The following TMEM116 variants were observed in gnomAD, a reference collection of about 807,000 sequenced individuals.
TMEM116 encodes the protein transmembrane protein 116.
A neutral mutation model predicts 44.3 loss-of-function variants in TMEM116; 38 were observed. That is an observed-to-expected ratio of 0.86 (90% CI 0.66 to 1.12). The LOEUF (loss-of-function observed/expected upper bound fraction) is 1.12. TMEM116 is among the 50% of genes most tolerant of loss of function. TMEM116 has a pLI of 0.00. For missense variants in TMEM116, 354 were observed against 401.7 expected (o/e 0.88, Z 1.01); for synonymous variants, 132 against 144.8 (o/e 0.91, Z 0.64).
chr12:111,944,602 G>C lies in TMEM116; in HGVS notation c.211-1233C>G, dbSNP rs140983883. Reference sequence around the variant, plus strand: ...TGGGAGGCCAAGGCAGCTAAAATTTGTGAAGTACAGTATCAGAGCAGAGGA... The same window carrying C: ...TGGGAGGCCAAGGCAGCTAAAATTTCTGAAGTACAGTATCAGAGCAGAGGA... On this transcript the variant is annotated intron_variant, in intron 4 of 10. Coordinates refer to ENST00000552374, the MANE Select transcript of TMEM116 (RefSeq NM_001193531.2). 2.0e-5 allele frequency among the ~76,000 whole-genome samples: 3 copies of C among 152,318 alleles called. No homozygotes were observed. The East Asian group carries it at 5.8e-4, about 29-fold the overall frequency.
rs148258292 is a variant in TMEM116, at chr12:111,975,370, G to A, written c.210+16388C>T. 8.3e-4 allele frequency among the ~76,000 whole-genome samples: 126 copies of A among 152,144 alleles called. 1 individual carries two copies. Among genetic ancestry groups the A allele is most frequent in the African/African-American group, 2.9e-3 (121 of 41,490 alleles). ...AGGGTCTCCCTAGGTTATTCAGTCT[G>A]ATCTTGAACTCGTGGGCTCAAGCAG... is the stretch of plus-strand genomic sequence containing the variant. On this transcript the variant is annotated intron_variant, in intron 4 of 10. Transcript: ENST00000552374.
At chr12:111,939,798 A>G in intron 5 of TMEM116, among the ~76,000 whole-genome samples, 1 of 152,028 alleles carries the variant, frequency 6.6e-6, no homozygotes, top group African/African-American at 2.4e-5. Flanking sequence ...ACTGCACTCC[A>G]GCGTGAGTGA....
At chr12:112,004,398 C>T (rs551699442) in intron 2 of TMEM116, among the ~76,000 whole-genome samples, 1 of 152,012 alleles carries the variant, frequency 6.6e-6, no homozygotes, top group East Asian at 1.9e-4. Flanking sequence ...GATCCTCCCA[C>T]CTTAGCCTCC....
intron 1 of TMEM116, chr12:112,010,921 CCT>C (rs1458722460): frequency 5.3e-5 from 8 of 152,232 alleles, no homozygotes; most frequent in African/African-American, 1.9e-4. Context: ...AGCCTGGACC[CCT>C]GTCTTCAGGC....
intron 4 of TMEM116, among the ~76,000 whole-genome samples, chr12:111,985,322 T>C (rs1390700658): frequency 2.0e-5 from 3 of 151,824 alleles, no homozygotes; most frequent in East Asian, 1.9e-4. Flanking sequence ...AAACAAATAA[T>C]AGAATTCAGC....
chr12:111,935,661 T>TGTGTGTGTGTGTGTGTGTG lies in TMEM116; in HGVS notation c.588+1030_588+1031insCACACACACACACACACAC, dbSNP rs1593265347. 4 of 148,806 alleles carry TGTGTGTGTGTGTGTGTGTG rather than the reference T, an allele frequency of 2.7e-5. No individual in the cohort carries two copies. In the East Asian group the frequency reaches 7.9e-4, roughly 29 times the overall value. 9.2% of individuals were successfully genotyped at this position (148,806 alleles called of 1,614,324 possible). On this transcript the variant is annotated intron_variant, in intron 8 of 10. Coordinates refer to ENST00000552374, the MANE Select transcript of TMEM116 (RefSeq NM_001193531.2). ...GTGTGTGTGTGTGTGTGTGTGTGTG[T>TGTGTGTGTGTGTGTGTGTG]TTTGAGACAGAGTATCCTCTGTTGC...
chr12:111,957,679 C>T (rs1408849744), intron 4 of TMEM116, among the ~76,000 whole-genome samples: 6 of 151,918 alleles, frequency 3.9e-5, no homozygotes, highest in African/African-American at 7.2e-5. Flanking sequence ...GCCTGGCCGC[C>T]GTCCCGTCTG....
upstream of TMEM116, chr12:112,013,188 G>C: frequency 4.8e-6 from 2 of 416,090 alleles, no homozygotes; most frequent in Non-Finnish European, 8.6e-6. Context: ...CGGAAGACTC[G>C]GCGAGTGCGC....
At chr12:111,991,573 T>C (rs1041835153) in intron 4 of TMEM116, among the ~76,000 whole-genome samples, 185 bp downstream of exon 4, 1 of 152,072 alleles carries the variant, frequency 6.6e-6, no homozygotes, top group African/African-American at 2.4e-5. Flanking sequence ...ATTTTTTTGC[T>C]TCTCTGAATT....
At chr12:111,958,514 G>A (rs1421747571) in intron 4 of TMEM116, among the ~76,000 whole-genome samples, 3 of 152,124 alleles carry the variant, frequency 2.0e-5, no homozygotes, top group Non-Finnish European at 4.4e-5. Flanking sequence ...ATTGACAGAA[G>A]TAGGCTTCAG....
chr12:111,934,380 A>G (rs946270770), intron 8 of TMEM116: 2 of 190,576 alleles, frequency 1.0e-5, no homozygotes, highest in Non-Finnish European at 2.2e-5. Context: ...ACACTTTATT[A>G]GAGATTTTGT....
intron 4 of TMEM116, among the ~76,000 whole-genome samples, chr12:111,958,000 G>C (rs1387956763): frequency 6.6e-6 from 1 of 152,142 alleles, no homozygotes; most frequent in Non-Finnish European, 1.5e-5. Flanking sequence ...TCTGAAACAT[G>C]TGCTGTGTCC....
chr12:111,998,117 T>C (rs1693950092), intron 3 of TMEM116, among the ~76,000 whole-genome samples: 1 of 152,216 alleles, frequency 6.6e-6, no homozygotes, highest in African/African-American at 2.4e-5. Context: ...AACAAAGAGA[T>C]GACTGGGAGT....
At chr12:111,950,994 A>C (rs899087521) in intron 4 of TMEM116, among the ~76,000 whole-genome samples, 2 of 152,246 alleles carry the variant, frequency 1.3e-5, no homozygotes, top group African/African-American at 4.8e-5. Flanking sequence ...ATAAGAAAAA[A>C]GCCTCATTAA....
At chr12:111,991,616 A>G in intron 4 of TMEM116, 142 bp downstream of exon 4, 1 of 773,978 alleles carries the variant, frequency 1.3e-6, no homozygotes, top group Non-Finnish European at 1.8e-6. Context: ...TGTTTTTAAT[A>G]TGAAAAAAGA....
chr12:111,955,353 A>G (rs2074006560), intron 4 of TMEM116, among the ~76,000 whole-genome samples: 1 of 152,212 alleles, frequency 6.6e-6, no homozygotes, highest in Non-Finnish European at 1.5e-5. Flanking sequence ...GCAGGTAAAC[A>G]GAAATCTTAG....
At chr12:111,959,752 G>A (rs1483288704) in intron 4 of TMEM116, among the ~76,000 whole-genome samples, 1 of 152,152 alleles carries the variant, frequency 6.6e-6, no homozygotes, top group Non-Finnish European at 1.5e-5. Flanking sequence ...GATCAAAAGA[G>A]ATAAAGAAGG....
rs147639050 is a variant in TMEM116, at chr12:111,994,487, T to C, written c.79-2598A>G. On this transcript the variant is annotated intron_variant, in intron 3 of 10. Coordinates refer to ENST00000552374, the MANE Select transcript of TMEM116 (RefSeq NM_001193531.2). ...TGTGATGCCGCCAATGCACTGGATA[T>C]ACTGGCATTTATTATTAAGTTTAGT... Among the ~76,000 whole-genome samples the C allele has an allele frequency of 2.5e-3, 384 of 152,336 alleles. 4 individuals are homozygous for C. Among genetic ancestry groups the C allele is most frequent in the African/African-American group, 8.6e-3 (358 of 41,574 alleles).
At chr12:111,968,444 A>G (rs7309825) in intron 4 of TMEM116, among the ~76,000 whole-genome samples, 2,330 of 152,332 alleles carry the variant, frequency 0.015, 68 homozygotes, top group African/African-American at 0.053. Context: ...ATACAATTCA[A>G]GAATAGTTAT....
Sources: allele counts gnomAD v4.1 joint callset (sites outside exome capture counted in the v4.1 genomes callset), GRCh38; gene constraint gnomAD v4.1.1; transcripts MANE v1.5; gene names NCBI Gene and HGNC (gene_info 2026-07-23, HGNC 2026-07-21).